Variants in PRR11 observed in about 807,000 individuals in gnomAD.
PRR11 encodes proline-rich protein 11.
In PRR11, 30 loss-of-function variants were observed where a neutral mutation model predicts 45.6. The observed-to-expected ratio is 0.66, with a 90% CI of 0.49 to 0.89. PRR11 has a LOEUF of 0.89. Ranked by LOEUF, PRR11 falls within the 40% of genes least tolerant of loss-of-function variation. The pLI is 0.00. For missense variants in PRR11, 373 were observed against 424.8 expected (o/e 0.88, Z 1.07); for synonymous variants, 128 against 153.5 (o/e 0.83, Z 1.23).
chr17:59,192,000 T>C (rs2046842413), intron 4 of PRR11, among the ~76,000 whole-genome samples: 3 of 152,202 alleles, frequency 2.0e-5, no homozygotes, highest in Non-Finnish European at 1.5e-5. Context: ...AAAAGGTATA[T>C]TCAAGTCCTA....
intron 1 of PRR11, among the ~76,000 whole-genome samples, chr17:59,160,035 T>C (rs1417764128): frequency 6.6e-6 from 1 of 152,104 alleles, no homozygotes; most frequent in Non-Finnish European, 1.5e-5. Flanking sequence ...TATATGTTGT[T>C]GAATTAAACT....
rs2147856467 is a variant in PRR11, at chr17:59,197,797, T to C, written c.1014+8T>C. 1 of 1,608,322 alleles carries C rather than the reference T, an allele frequency of 6.2e-7. No individual in the cohort carries two copies. The highest frequency in any genetic ancestry group is 8.5e-7 in the Non-Finnish European group (1 of 1,175,168). On this transcript the variant is annotated splice_region_variant and intron_variant, in intron 9 of 9. Coordinates refer to ENST00000262293, the MANE Select transcript of PRR11 (RefSeq NM_018304.4). ...TTAAGGAGAAAGTTTCAGGTAACCC[T>C]TTAGGAAAAGAATATTGGTTCCTTT... is the stretch of plus-strand genomic sequence containing the variant.
At chr17:59,176,986 C>A (rs1189635235) in intron 2 of PRR11, among the ~76,000 whole-genome samples, 2 of 151,998 alleles carry the variant, frequency 1.3e-5, no homozygotes, top group African/African-American at 4.8e-5. Flanking sequence ...CGTGAGCCAC[C>A]GCGCCCAGCC....
chr17:59,204,721 A>G lies in PRR11; in HGVS notation c.*3090A>G, dbSNP rs1359093492. 6.6e-6 allele frequency: 1 copy of G among 151,972 alleles called. No homozygotes were observed. Among genetic ancestry groups the G allele is most frequent in the Non-Finnish European group, 1.5e-5 (1 of 68,724 alleles). 9.4% of individuals were successfully genotyped at this position (151,972 alleles called of 1,614,324 possible). A position where few individuals can be genotyped will look rare whatever the true frequency, so the allele number is the denominator to read the frequency against. On this transcript the variant is annotated 3_prime_UTR_variant, in exon 10 of 10. Transcript: ENST00000262293. ...ACCCTGTGTCAAAAAAAAAAAAAAG[A>G]AAGAAAGAAAGAAAAAATGCTTTAT...
intron 1 of PRR11, chr17:59,160,933 C>T (rs1568316507): frequency 6.6e-6 from 1 of 151,086 alleles, no homozygotes; most frequent in Non-Finnish European, 1.5e-5. Context: ...TTGGGACTCT[C>T]ACTGTGTTGC....
Position 59,201,831 on chromosome 17 carries a change from C to A in PRR11, c.*200C>A. ...ACTAAAAATACAGAAATTAGCTGGG[C>A]ATAGTGGCGGGTGCCTGTAATCCCA... On this transcript the variant is annotated 3_prime_UTR_variant, in exon 10 of 10. Transcript: ENST00000262293. 3.8e-6 allele frequency: 2 copies of A among 533,168 alleles called. No individual in the cohort carries two copies. Among genetic ancestry groups the A allele is most frequent in the South Asian group, 4.2e-5 (2 of 47,264 alleles). 33.0% of individuals were successfully genotyped at this position (533,168 alleles called of 1,614,324 possible). A position where few individuals can be genotyped will look rare whatever the true frequency, so the allele number is the denominator to read the frequency against.
chr17:59,157,724 C>A (rs1005350121), intron 1 of PRR11, among the ~76,000 whole-genome samples: 2 of 151,610 alleles, frequency 1.3e-5, no homozygotes, highest in African/African-American at 4.9e-5. Context: ...AAAAAAAATT[C>A]TAGAAGGACA....
chr17:59,192,922 C>T (rs1226806292), intron 4 of PRR11, among the ~76,000 whole-genome samples: 3 of 152,136 alleles, frequency 2.0e-5, no homozygotes, highest in Admixed American at 6.6e-5. Context: ...TTTTCCTCTG[C>T]AAGGAACTCT....
intron 2 of PRR11, among the ~76,000 whole-genome samples, chr17:59,174,352 A>G (rs2046730365): frequency 6.6e-6 from 1 of 152,212 alleles, no homozygotes; most frequent in Non-Finnish European, 1.5e-5. Context: ...CCTCCTCATG[A>G]TGAAGTCTCA....
intron 2 of PRR11, among the ~76,000 whole-genome samples, chr17:59,175,965 A>G (rs1000067031): frequency 6.6e-6 from 1 of 152,200 alleles, no homozygotes; most frequent in Non-Finnish European, 1.5e-5. Context: ...TTCTACAGGC[A>G]TCTAGTCTAA....
At chr17:59,166,771 C>A (rs1049461110) in intron 1 of PRR11, among the ~76,000 whole-genome samples, 2 of 152,104 alleles carry the variant, frequency 1.3e-5, no homozygotes, top group African/African-American at 4.8e-5. Context: ...ATAAAAAATT[C>A]ACTTTATTTA....
intron 4 of PRR11, among the ~76,000 whole-genome samples, chr17:59,191,923 C>T (rs112475210): frequency 6.6e-6 from 1 of 152,134 alleles, no homozygotes; most frequent in African/African-American, 2.4e-5. Flanking sequence ...TCCTCTGGGC[C>T]TCAGTTTCCT....
chr17:59,190,692 A>G (rs1181955432), intron 4 of PRR11, among the ~76,000 whole-genome samples: 1 of 152,182 alleles, frequency 6.6e-6, no homozygotes, highest in Non-Finnish European at 1.5e-5. Flanking sequence ...GCTCTGTCTC[A>G]TCTTTCAGTT....
chr17:59,189,335 A>ATT (rs141713242), intron 4 of PRR11, among the ~76,000 whole-genome samples: 2 of 151,316 alleles, frequency 1.3e-5, no homozygotes, highest in African/African-American at 2.4e-5. Flanking sequence ...AAATAGAATA[A>ATT]TTTTTTTTGT....
Position 59,169,871 on chromosome 17 carries a change from C to T in PRR11, c.119C>T (p.Ser40Leu). 6.2e-7 allele frequency: 1 copy of T among 1,602,814 alleles called. No individual in the cohort carries two copies. The highest frequency in any genetic ancestry group is 8.5e-7 in the Non-Finnish European group (1 of 1,176,646). Residue 40 changes from serine to leucine, a missense_variant, in exon 2 of 10, where the codon TCA (serine) becomes TTA (leucine). Coordinates refer to ENST00000262293, the MANE Select transcript of PRR11 (RefSeq NM_018304.4). The stretch of plus-strand genomic sequence containing the variant: ...ATTACACCTCCTCCTCCACCACCCT[C>T]ACCAGAAAGGTAAGGCTTAATGTGG... ...KLITPPPPPP[S>L]PERVGISSID...
chr17:59,181,848 C>G, intron 2 of PRR11: 1 of 1,474,906 alleles, frequency 6.8e-7, no homozygotes, highest in Non-Finnish European at 9.2e-7. Flanking sequence ...CCTCCCCAGC[C>G]TTGCAGACTG....
At chr17:59,165,470 C>G (rs887829035) in intron 1 of PRR11, among the ~76,000 whole-genome samples, 19 of 151,818 alleles carry the variant, frequency 1.3e-4, no homozygotes, top group Non-Finnish European at 2.5e-4. Flanking sequence ...CTGAATAGCT[C>G]GGACTACAGG....
At chr17:59,187,896 TGTG>T (rs1226048312) in intron 4 of PRR11, among the ~76,000 whole-genome samples, 9 of 147,390 alleles carry the variant, frequency 6.1e-5, no homozygotes, top group Admixed American at 4.8e-4. Context: ...CAAGACTAGG[TGTG>T]GTACCAGTGA....
intron 2 of PRR11, among the ~76,000 whole-genome samples, chr17:59,180,332 T>C (rs2046775115): frequency 6.6e-6 from 1 of 150,668 alleles, no homozygotes; most frequent in Admixed American, 6.6e-5. Context: ...GGTTTCACCA[T>C]GTTGGCCAGG....
Sources: allele counts gnomAD v4.1 joint callset (sites outside exome capture counted in the v4.1 genomes callset), GRCh38; gene constraint gnomAD v4.1.1; transcripts MANE v1.5; gene names NCBI Gene and HGNC (gene_info 2026-07-23, HGNC 2026-07-21).